SNAPC3: variants seen among roughly 807,000 people sequenced by gnomAD.
The protein encoded by SNAPC3 is small nuclear RNA activating complex polypeptide 3.
Under a neutral mutation model 47.7 loss-of-function variants are expected in SNAPC3, and 56 were observed. The observed-to-expected ratio is 1.18, with a 90% CI of 0.95 to 1.47. The LOEUF is 1.47. SNAPC3 is among the 40% of genes most tolerant of loss of function. The pLI, the probability that SNAPC3 is intolerant of heterozygous loss-of-function variation, is 0.00. For synonymous variants in SNAPC3, 235 were observed against 189.9 expected, an observed-to-expected ratio of 1.24 and a Z score of -1.95; for missense variants, 665 against 511.3, an observed-to-expected ratio of 1.30 and a Z score of -2.90.
rs1587243262 is a variant in SNAPC3 at position 15,436,960 on chromosome 9, A to C, written c.477+3324A>C. Among the ~76,000 whole-genome samples, 4 of 150,226 alleles carry C rather than the reference A, an allele frequency of 2.7e-5. No individual in the cohort carries two copies. The South Asian group carries it at 8.4e-4, about 32-fold the overall frequency. On this transcript the variant is annotated intron_variant, in intron 3 of 8. Transcript: ENST00000380821. ...TGCCTCAGCCTCCTGAGTGGCTGGG[A>C]TTACAGGTGCATGCCACCATGCCCG...
chr9:15,465,839 C>G (rs140044330), downstream of SNAPC3: 8 of 366,108 alleles, frequency 2.2e-5, no homozygotes, highest in African/African-American at 1.0e-4. Context: ...ATGGACCAAG[C>G]CCTTTCCATC....
chr9:15,432,554 G>C (rs1031286928), intron 2 of SNAPC3, among the ~76,000 whole-genome samples: 1 of 152,116 alleles, frequency 6.6e-6, no homozygotes, highest in African/African-American at 2.4e-5. Flanking sequence ...TTTTAAAAAG[G>C]AGAGGACTTG....
At chr9:15,424,322 A>G (rs181596686) in intron 2 of SNAPC3, among the ~76,000 whole-genome samples, 25 of 152,296 alleles carry the variant, frequency 1.6e-4, no homozygotes, top group Admixed American at 1.6e-3. Flanking sequence ...TATTCAGTCC[A>G]TATTCAAACT....
downstream of SNAPC3, chr9:15,465,364 T>C (rs2035545508): frequency 1.6e-6 from 1 of 627,894 alleles, no homozygotes. Flanking sequence ...TTAGCGATAA[T>C]GTTTACTTTA....
In SNAPC3 at chr9:15,433,664, C is replaced by T. The variant is rs543255728; in HGVS notation, c.477+28C>T. On this transcript the variant is annotated intron_variant, in intron 3 of 8. Transcript: ENST00000380821. ...AATTAAGAGTCTCATCTTTTTCACC[C>T]TTTTCTCTTAAAACAGTAAACCGAC... The T allele has an allele frequency of 3.9e-5, 54 of 1,397,784 alleles. No homozygotes were observed. In the South Asian group the frequency reaches 6.2e-4, roughly 16 times the overall value. 86.6% of individuals were successfully genotyped at this position (1,397,784 alleles called of 1,614,324 possible). A position where few individuals can be genotyped will look rare whatever the true frequency, so the allele number is the denominator to read the frequency against.
In SNAPC3 at chr9:15,453,221, TA is replaced by T. The variant is rs1416903651; in HGVS notation, c.980+18del. The T allele has an allele frequency of 6.4e-7, 1 of 1,569,544 alleles. No homozygotes were observed. Among genetic ancestry groups the T allele is most frequent in the East Asian group, 2.3e-5 (1 of 44,116 alleles). On this transcript the variant is annotated intron_variant, in intron 7 of 8. Coordinates refer to ENST00000380821, the MANE Select transcript of SNAPC3 (RefSeq NM_001039697.2). The stretch of plus-strand genomic sequence containing the variant: ...CTGACATAAGGTAGGTGACAGCACT[TA>T]AGACATTTTGTTACCTTTTTTTTTC...
chr9:15,449,624 G>A (rs1394832402), intron 5 of SNAPC3, among the ~76,000 whole-genome samples: 1 of 130,000 alleles, frequency 7.7e-6, no homozygotes, highest in African/African-American at 2.9e-5. Flanking sequence ...AGGCTGGAGT[G>A]CAATGGCACC....
intron 3 of SNAPC3, among the ~76,000 whole-genome samples, chr9:15,440,657 T>C (rs1299195703): frequency 1.3e-5 from 2 of 152,032 alleles, no homozygotes; most frequent in Non-Finnish European, 2.9e-5. Context: ...TAGATAGATT[T>C]AAAAAATCAG....
chr9:15,444,180 C>T (rs768663228), intron 3 of SNAPC3, among the ~76,000 whole-genome samples: 1 of 152,204 alleles, frequency 6.6e-6, no homozygotes, highest in Non-Finnish European at 1.5e-5. Context: ...TCCGTATTTG[C>T]GTCCTAACTC....
chr9:15,445,024 T>C (rs1334030983), intron 4 of SNAPC3, among the ~76,000 whole-genome samples: 1 of 152,066 alleles, frequency 6.6e-6, no homozygotes, highest in East Asian at 1.9e-4. Flanking sequence ...GCCTAGGAAT[T>C]CAAGGTTGTA....
intron 6 of SNAPC3, among the ~76,000 whole-genome samples, chr9:15,452,560 C>T (rs573073115): frequency 3.9e-5 from 6 of 152,112 alleles, no homozygotes; most frequent in Non-Finnish European, 7.3e-5. Flanking sequence ...TCAAGCGATC[C>T]GCCCACCTCG....
intron 2 of SNAPC3, among the ~76,000 whole-genome samples, chr9:15,431,485 T>C (rs1017516369): frequency 3.3e-5 from 5 of 152,226 alleles, no homozygotes; most frequent in African/African-American, 9.7e-5. Context: ...CTGTTCTTTT[T>C]TTCTTCCTAA....
intron 1 of SNAPC3, 38 bp downstream of exon 1, chr9:15,423,231 C>T (rs779126176): frequency 3.9e-6 from 6 of 1,532,046 alleles, no homozygotes; most frequent in South Asian, 1.2e-5. Flanking sequence ...AGCTTGGGGT[C>T]AAACAGGGTG....
chr9:15,465,521 T>G, downstream of SNAPC3: 1 of 1,555,634 alleles, frequency 6.4e-7, no homozygotes, highest in Non-Finnish European at 8.8e-7. Context: ...TATGTCAACC[T>G]AGTTATCTAG....
chr9:15,465,375 C>CT, downstream of SNAPC3: 1 of 679,310 alleles, frequency 1.5e-6, no homozygotes, highest in Non-Finnish European at 2.5e-6. Flanking sequence ...GTTTACTTTA[C>CT]TTTAAAACAA....
chr9:15,439,482 A>G (rs2033129502), intron 3 of SNAPC3, among the ~76,000 whole-genome samples: 1 of 152,122 alleles, frequency 6.6e-6, no homozygotes, highest in Non-Finnish European at 1.5e-5. Context: ...CAGCTTTCTG[A>G]TAGCTGGGAC....
At chr9:15,449,271 T>C (rs2034180523) in intron 5 of SNAPC3, among the ~76,000 whole-genome samples, 1 of 152,094 alleles carries the variant, frequency 6.6e-6, no homozygotes, top group Non-Finnish European at 1.5e-5. Flanking sequence ...TCAAAGCAGT[T>C]TGAGTCAGAT....
intron 3 of SNAPC3, among the ~76,000 whole-genome samples, chr9:15,440,339 C>T (rs766360317): frequency 2.6e-5 from 4 of 152,194 alleles, no homozygotes; most frequent in African/African-American, 9.7e-5. Flanking sequence ...GAAGAATCCT[C>T]TTTAACACTT....
intron 7 of SNAPC3, 123 bp downstream of exon 7, chr9:15,453,328 G>C: frequency 1.5e-6 from 1 of 670,254 alleles, no homozygotes; most frequent in Non-Finnish European, 2.4e-6. Flanking sequence ...ACTTGGCTTG[G>C]GAGCAGCAAA....
Sources: gnomAD v4.1 joint callset for allele counts (sites outside exome capture counted in the v4.1 genomes callset) on GRCh38, gnomAD v4.1.1 for gene constraint, MANE v1.5 for transcripts, NCBI Gene and HGNC (gene_info 2026-07-23, HGNC 2026-07-21) for gene names.